The following ACP6 variants were observed in gnomAD, a reference collection of about 807,000 sequenced individuals.
ACP6 encodes lysophosphatidic acid phosphatase type 6.
ACP6 carries 48 observed loss-of-function variants against 48.1 expected under a neutral mutation model. That is an observed-to-expected ratio of 1.00 (90% CI 0.79 to 1.27). ACP6 has a LOEUF of 1.27. ACP6 is among the 50% of genes most tolerant of loss of function. The probability of loss-of-function intolerance (pLI) is 0.00; values close to 1 mark genes in which losing one functional copy is unlikely to be tolerated. For missense variants in ACP6, 485 were observed against 529.1 expected (o/e 0.92, Z 0.82); for synonymous variants, 172 against 204.2 (o/e 0.84, Z 1.34).
At chr1:147,668,783 G>A (rs1382644443) in intron 1 of ACP6, among the ~76,000 whole-genome samples, 2 of 152,196 alleles carry the variant, frequency 1.3e-5, no homozygotes, top group African/African-American at 4.8e-5. Flanking sequence ...CCTTCCAAAT[G>A]TATTTATTTA....
At chr1:147,663,291 TG>T (rs587698803) in intron 1 of ACP6, among the ~76,000 whole-genome samples, 19 of 11,352 alleles carry the variant, frequency 1.7e-3, no homozygotes, top group East Asian at 4.8e-3. Context: ...TTATCAGAGG[TG>T]GGGGGGTGCA....
downstream of ACP6, among the ~76,000 whole-genome samples, chr1:147,638,559 T>A (rs1570939736): frequency 6.6e-6 from 1 of 152,168 alleles, no homozygotes; most frequent in East Asian, 1.9e-4. Flanking sequence ...CTCCTTGAGA[T>A]CTAGCGGGAG....
intron 1 of ACP6, among the ~76,000 whole-genome samples, chr1:147,669,288 A>G (rs1660957750): frequency 6.6e-6 from 1 of 151,836 alleles, no homozygotes; most frequent in Non-Finnish European, 1.5e-5. Context: ...AAACTTCAGG[A>G]GATCTCAAAT....
At chr1:147,641,002 G>A (rs587702706), downstream of ACP6, among the ~76,000 whole-genome samples, 5 of 152,076 alleles carry the variant, frequency 3.3e-5, no homozygotes, top group African/African-American at 7.2e-5. Context: ...GAGACTCATC[G>A]CTGCCTAGCA....
chr1:147,647,427 T>G lies in ACP6; in HGVS notation c.1283A>C (p.Glu428Ala). 1.2e-6 allele frequency: 2 copies of G among 1,614,122 alleles called. No homozygotes were observed. Among genetic ancestry groups the G allele is most frequent in the Non-Finnish European group, 1.7e-6 (2 of 1,180,042 alleles). Residue 428 changes from glutamate (E) to alanine (A), a missense_variant, in exon 10 of 10, where the codon GAG becomes GCG. By Grantham distance (107) the Glu-to-Ala change is moderately radical. Transcript: ENST00000583509. ...QTQVMEVGNE[E>A] ...CATCCTGCTTTTATAAATCAGTTAC[T>G]CTTCATTTCCAACTTCCATCACCTG...
At chr1:147,657,174 T>A (rs1040818655) in intron 4 of ACP6, among the ~76,000 whole-genome samples, 1 of 152,038 alleles carries the variant, frequency 6.6e-6, no homozygotes, top group Non-Finnish European at 1.5e-5. Flanking sequence ...AATATTTCCA[T>A]CTGGAGTCTG....
chr1:147,632,498 A>C (rs1349204419), intron 5 of ACP6, among the ~76,000 whole-genome samples: 2 of 152,116 alleles, frequency 1.3e-5, no homozygotes, highest in African/African-American at 4.8e-5. Context: ...TGGAGGACAC[A>C]CAGAGAACAA....
At position 147,647,410 on chromosome 1, in the gene ACP6, T is replaced by C. The variant is rs202120291; in HGVS notation, c.*13A>G. On this transcript the variant is annotated 3_prime_UTR_variant, in exon 10 of 10. Transcript: ENST00000583509. Reference sequence around the variant, plus strand: ...TTATTTTAAAATCAACACATCCTGCTTTTATAAATCAGTTACTCTTCATTT... The same window carrying C: ...TTATTTTAAAATCAACACATCCTGCCTTTATAAATCAGTTACTCTTCATTT... 1.5e-5 allele frequency: 25 copies of C among 1,613,912 alleles called. No individual in the cohort carries two copies. In the East Asian group the frequency reaches 5.3e-4, roughly 35 times the overall value.
intron 5 of ACP6, among the ~76,000 whole-genome samples, chr1:147,634,006 G>A (rs1659236585): frequency 6.6e-6 from 1 of 152,068 alleles, no homozygotes; most frequent in Non-Finnish European, 1.5e-5. Flanking sequence ...TTCTAACTTT[G>A]TACCCATTAA....
At chr1:147,648,796 G>A (rs1659762337) in intron 8 of ACP6, among the ~76,000 whole-genome samples, 1 of 152,170 alleles carries the variant, frequency 6.6e-6, no homozygotes, top group Non-Finnish European at 1.5e-5. Context: ...AGGGCTCCTT[G>A]TTGGGGAAGC....
chr1:147,666,053 G>C (rs1364140364), intron 1 of ACP6, among the ~76,000 whole-genome samples: 1 of 152,208 alleles, frequency 6.6e-6, no homozygotes, highest in Non-Finnish European at 1.5e-5. Context: ...TAGGGACAAA[G>C]AAATGGATGC....
Position 147,654,317 on chromosome 1 carries a change from C to T in ACP6, c.657G>A (p.Arg219=), listed in dbSNP as rs1335410379. The change falls in exon 6 of 10, where the codon AGG becomes AGA. Residue 219 remains arginine, a synonymous_variant. Coordinates refer to ENST00000583509, the MANE Select transcript of ACP6 (RefSeq NM_016361.5). The part of the protein sequence containing the change: ...WSLRQRTRGR[R]QTASLQPGIS... ...TTCCTGGCTGTAAAGAGGCAGTCTGCCTCCGGCCTCTGACAAAAAATAAAA... is the reference window on the plus strand; with the variant it reads ...TTCCTGGCTGTAAAGAGGCAGTCTGTCTCCGGCCTCTGACAAAAAATAAAA... 5.6e-6 allele frequency: 9 copies of T among 1,613,986 alleles called. No individual in the cohort carries two copies. The African/African-American group carries it at 8.0e-5, about 14-fold the overall frequency.
At chr1:147,632,524 G>A (rs1659198547) in intron 5 of ACP6, among the ~76,000 whole-genome samples, 1 of 152,024 alleles carries the variant, frequency 6.6e-6, no homozygotes, top group African/African-American at 2.4e-5. Context: ...ATGAGGAAAT[G>A]GCAGTGGGAA....
rs782591988 is a variant in ACP6, at chr1:147,643,930, A to G, written c.*3493T>C. 1 of 152,262 alleles carries G rather than the reference A, an allele frequency of 6.6e-6. No homozygotes were observed. Among genetic ancestry groups the G allele is most frequent in the East Asian group, 1.9e-4 (1 of 5,196 alleles). The allele number at this position is 152,262 out of a possible 1,614,324, so 9.4% of individuals were successfully genotyped here. On this transcript the variant is annotated 3_prime_UTR_variant, in exon 10 of 10. Coordinates refer to ENST00000583509, the MANE Select transcript of ACP6 (RefSeq NM_016361.5). Reference sequence around the variant, plus strand: ...CTTCAAAGATGGTGCCTGTTGCTGCATCCTCCAGAGAGGAGGAACACTTTG... The same window carrying G: ...CTTCAAAGATGGTGCCTGTTGCTGCGTCCTCCAGAGAGGAGGAACACTTTG...
Position 147,634,139 on chromosome 1 carries a change from T to C in ACP6, c.461-3074A>G, listed in dbSNP as rs10158887. Among the ~76,000 whole-genome samples, 363 of 152,354 alleles carry C rather than the reference T, an allele frequency of 2.4e-3. 2 individuals are homozygous for C. Among genetic ancestry groups the C allele is most frequent in the African/African-American group, 8.5e-3 (352 of 41,578 alleles). On this transcript the variant is annotated intron_variant, in intron 5 of 5. Transcript: ENST00000609196. ...GGGTTCCAATTTCTCTAGATTCTTA[T>C]CAACATTTATTATTTTTGTTTGTTT...
At chr1:147,663,152 G>A (rs781939494) in intron 1 of ACP6, among the ~76,000 whole-genome samples, 1 of 152,188 alleles carries the variant, frequency 6.6e-6, no homozygotes, top group Admixed American at 6.5e-5. Flanking sequence ...ACAACTGTGG[G>A]TCTCACTTTA....
intron 5 of ACP6, among the ~76,000 whole-genome samples, chr1:147,631,475 T>G (rs1359301526): frequency 1.3e-5 from 2 of 152,224 alleles, no homozygotes; most frequent in Admixed American, 1.3e-4. Context: ...GTATTTTCAC[T>G]CTAGCTCTTC....
At position 147,652,505 on chromosome 1, in the gene ACP6, C is replaced by G. The variant is rs1056328641; in HGVS notation, c.825G>C (p.Arg275Ser). Residue 275 changes from arginine to serine, a missense_variant, in exon 7 of 10, where the codon AGG becomes AGC. Transcript: ENST00000583509. ...TGTCCACAGCTCTCTGTTCGATCAT[C>G]CTTGCAAATCTCTTCAGCATGGGGC... Reference protein sequence around the residue: ...PSCPMLKRFARMIEQRAVDTS... With the variant: ...PSCPMLKRFASMIEQRAVDTS... 2 of 1,614,008 alleles carry G rather than the reference C, an allele frequency of 1.2e-6. No homozygotes were observed. Among genetic ancestry groups the G allele is most frequent in the Non-Finnish European group, 1.7e-6 (2 of 1,180,026 alleles).
Position 147,644,261 on chromosome 1 carries a change from C to T in ACP6, c.*3162G>A, listed in dbSNP as rs1659542956. The stretch of plus-strand genomic sequence containing the variant: ...CTCATGCATACATATATCAAAACAT[C>T]ACATTGTACTCCATAAATATACGCA... On this transcript the variant is annotated 3_prime_UTR_variant, in exon 10 of 10. Coordinates refer to ENST00000583509, the MANE Select transcript of ACP6 (RefSeq NM_016361.5). The T allele has an allele frequency of 6.6e-6, 1 of 152,154 alleles. No homozygotes were observed. Among genetic ancestry groups the T allele is most frequent in the Admixed American group, 6.5e-5 (1 of 15,270 alleles). The allele number at this position is 152,154 out of a possible 1,614,324, so 9.4% of individuals were successfully genotyped here.
Sources: gnomAD v4.1 joint callset for allele counts (sites outside exome capture counted in the v4.1 genomes callset) on GRCh38, gnomAD v4.1.1 for gene constraint, MANE v1.5 for transcripts, NCBI Gene and HGNC (gene_info 2026-07-23, HGNC 2026-07-21) for gene names.